Variants in WWP1 observed in about 807,000 individuals in gnomAD.
WWP1 encodes the protein NEDD4-like E3 ubiquitin-protein ligase WWP1.
WWP1 carries 49 observed loss-of-function variants against 130.6 expected under a neutral mutation model. The ratio of observed to expected loss-of-function variants is 0.38; its 90% CI spans 0.30 to 0.48. WWP1 has a LOEUF of 0.48. Ranked by LOEUF, WWP1 falls within the 20% of genes least tolerant of loss-of-function variation. WWP1 has a pLI of 0.99. For synonymous variants in WWP1, 332 were observed against 367.8 expected (o/e 0.90, Z 1.11); for missense variants, 809 against 1,100.6 (o/e 0.74, Z 3.75).
intron 1 of WWP1, among the ~76,000 whole-genome samples, chr8:86,360,161 C>A (rs10093729): frequency 0.73 from 111,162 of 151,710 alleles, 41,611 homozygotes; most frequent in African/African-American, 0.83. Flanking sequence ...AACAAAAAAC[C>A]AAACCAAACC....
Position 86,461,248 on chromosome 8 carries a change from G to C in WWP1, c.2524G>C (p.Val842Leu). 6.2e-7 allele frequency: 1 copy of C among 1,614,098 alleles called. No homozygotes were observed. Among genetic ancestry groups the C allele is most frequent in the Non-Finnish European group, 8.5e-7 (1 of 1,179,976 alleles). The change falls in exon 23 of 25, where the codon GTA becomes CTA. Residue 842 changes from valine to leucine, a missense_variant. Val to Leu is a conservative substitution (Grantham distance 32, BLOSUM62 1). Coordinates refer to ENST00000517970, the MANE Select transcript of WWP1 (RefSeq NM_007013.4). ...GTTTGTGAAAGAGACAGACAATGAA[G>C]TAAGAATGCGACTATTGCAGTTCGT... Reference protein sequence around the residue: ...WQFVKETDNEVRMRLLQFVTG... With the variant: ...WQFVKETDNELRMRLLQFVTG...
At chr8:86,412,342 A>T (rs1393787837) in intron 9 of WWP1, among the ~76,000 whole-genome samples, 2 of 152,210 alleles carry the variant, frequency 1.3e-5, no homozygotes, top group African/African-American at 2.4e-5. Context: ...GCTGGTTAGT[A>T]ATTCTTAATC....
At position 86,431,726 on chromosome 8, in the gene WWP1, C is replaced by T; in HGVS notation, c.1584C>T (p.Arg528=). The T allele has an allele frequency of 6.2e-7, 1 of 1,613,790 alleles. No individual in the cohort carries two copies. The highest frequency in any genetic ancestry group is 1.1e-5 in the South Asian group (1 of 91,012). Residue 528 remains arginine, a synonymous_variant, in exon 14 of 25, where the codon CGC becomes CGT. Coordinates refer to ENST00000517970, the MANE Select transcript of WWP1 (RefSeq NM_007013.4). Reference sequence around the variant, plus strand: ...GAACAACAACATTCAAAGATCCTCGCAATGGGAAGTCATCTGTGTGAGTGA... The same window carrying T: ...GAACAACAACATTCAAAGATCCTCGTAATGGGAAGTCATCTGTGTGAGTGA... ...NTRTTTFKDP[R]NGKSSVTKGG... is the part of the protein sequence containing the mutation.
chr8:86,447,165 T>G (rs1810927582), intron 18 of WWP1, among the ~76,000 whole-genome samples: 1 of 152,254 alleles, frequency 6.6e-6, no homozygotes, highest in Admixed American at 6.5e-5. Context: ...TCTAGCATGT[T>G]CCATTGCCTA....
chr8:86,387,605 T>TA (rs1344906056), intron 5 of WWP1, among the ~76,000 whole-genome samples: 1 of 152,056 alleles, frequency 6.6e-6, no homozygotes, highest in Non-Finnish European at 1.5e-5. Context: ...CTTTGCCTCC[T>TA]AGGTTCAAGC....
intron 11 of WWP1, among the ~76,000 whole-genome samples, chr8:86,430,413 T>C (rs1272593233): frequency 6.6e-6 from 1 of 151,974 alleles, no homozygotes; most frequent in East Asian, 1.9e-4. Context: ...TCCAAGTAGC[T>C]GGGACTTTAG....
At chr8:86,391,936 C>A (rs184496426) in intron 5 of WWP1, among the ~76,000 whole-genome samples, 1 of 152,238 alleles carries the variant, frequency 6.6e-6, no homozygotes, top group Admixed American at 6.5e-5. Context: ...GAAGGATTTA[C>A]CATTGTAAGC....
intron 16 of WWP1, among the ~76,000 whole-genome samples, chr8:86,437,577 C>T (rs1810360095): frequency 6.6e-6 from 1 of 152,120 alleles, no homozygotes. Flanking sequence ...ATAGAACTAT[C>T]CATTTAATAC....
chr8:86,367,643 C>CCATA (rs1824045524), intron 1 of WWP1, among the ~76,000 whole-genome samples: 1 of 152,156 alleles, frequency 6.6e-6, no homozygotes, highest in African/African-American at 2.4e-5. Flanking sequence ...ATATTACTGA[C>CCATA]CATACCCTCT....
At chr8:86,434,876 C>T (rs1245793878) in intron 14 of WWP1, among the ~76,000 whole-genome samples, 2 of 152,178 alleles carry the variant, frequency 1.3e-5, no homozygotes, top group African/African-American at 4.8e-5. Context: ...GCCTGTCAGG[C>T]CCTCAATCAA....
In WWP1 at chr8:86,415,602, G is replaced by A. The variant is rs1808844399; in HGVS notation, c.1061+3728G>A. Among the ~76,000 whole-genome samples the A allele has an allele frequency of 2.0e-5, 3 of 152,238 alleles. No homozygotes were observed. The South Asian group carries it at 6.2e-4, about 32-fold the overall frequency. On this transcript the variant is annotated intron_variant, in intron 9 of 24. Transcript: ENST00000517970. ...CATTATGATGAATTTTGGCAAATGC[G>A]TATGTCTGTGTAACTCAAATCTTTA...
At chr8:86,394,277 G>T (rs1807523025) in intron 5 of WWP1, among the ~76,000 whole-genome samples, 1 of 152,198 alleles carries the variant, frequency 6.6e-6, no homozygotes, top group African/African-American at 2.4e-5. Context: ...GACTCAAATT[G>T]TTCTGTCTCA....
At position 86,466,961 on chromosome 8, in the gene WWP1, G is replaced by A. The variant is rs1392998714; in HGVS notation, c.*68G>A. The A allele has an allele frequency of 7.0e-6, 8 of 1,148,680 alleles. No homozygotes were observed. In the East Asian group the frequency reaches 1.7e-4, roughly 24 times the overall value. 71.2% of individuals were successfully genotyped at this position (1,148,680 alleles called of 1,614,324 possible). On this transcript the variant is annotated 3_prime_UTR_variant, in exon 25 of 25. Coordinates refer to ENST00000517970, the MANE Select transcript of WWP1 (RefSeq NM_007013.4). ...CCAGCCAAGAAAAATTGCACAGATAGTGTATATAAGCTGTTCATTCTGTAC... is the reference window on the plus strand; with the variant it reads ...CCAGCCAAGAAAAATTGCACAGATAATGTATATAAGCTGTTCATTCTGTAC...
chr8:86,448,574 C>G, intron 20 of WWP1, 61 bp downstream of exon 20: 1 of 1,475,548 alleles, frequency 6.8e-7, no homozygotes, highest in Non-Finnish European at 9.1e-7. Context: ...AATCCTCTCT[C>G]TGTACCCTTA....
At chr8:86,371,483 A>G (rs1824295765) in intron 2 of WWP1, among the ~76,000 whole-genome samples, 1 of 152,174 alleles carries the variant, frequency 6.6e-6, no homozygotes, top group Admixed American at 6.5e-5. Context: ...CCACTGTTGC[A>G]TGTTTTTTGC....
At chr8:86,438,864 A>C (rs1269630210) in intron 17 of WWP1, among the ~76,000 whole-genome samples, 191 bp downstream of exon 17, 2 of 152,108 alleles carry the variant, frequency 1.3e-5, no homozygotes, top group Non-Finnish European at 2.9e-5. Context: ...ACATCTTTAC[A>C]TATATGTAAA....
At chr8:86,453,047 T>C (rs887343910) in intron 21 of WWP1, among the ~76,000 whole-genome samples, 1 of 152,210 alleles carries the variant, frequency 6.6e-6, no homozygotes, top group Non-Finnish European at 1.5e-5. Flanking sequence ...GTTAGAAGTA[T>C]ATCAGGCATG....
At chr8:86,407,080 A>G (rs1808319772) in intron 8 of WWP1, among the ~76,000 whole-genome samples, 1 of 152,192 alleles carries the variant, frequency 6.6e-6, no homozygotes, top group African/African-American at 2.4e-5. Flanking sequence ...GGCTTGGGAG[A>G]TGTTCATTCA....
Position 86,452,763 on chromosome 8 carries a change from C to G in WWP1, c.2394+84C>G. The G allele has an allele frequency of 3.3e-6, 5 of 1,518,094 alleles. No individual in the cohort carries two copies. In the South Asian group the frequency reaches 6.1e-5, roughly 18 times the overall value. The allele number at this position is 1,518,094 out of a possible 1,614,324, so 94.0% of individuals were successfully genotyped here. Reference sequence around the variant, plus strand: ...GTGCTTTTACAGAACAGTGTTCACACATTTTAAAATCCTGTAGCACAATCT... The same window carrying G: ...GTGCTTTTACAGAACAGTGTTCACAGATTTTAAAATCCTGTAGCACAATCT... On this transcript the variant is annotated intron_variant, in intron 21 of 24. Transcript: ENST00000517970.
Sources: allele counts gnomAD v4.1 joint callset (sites outside exome capture counted in the v4.1 genomes callset), GRCh38; gene constraint gnomAD v4.1.1; transcripts MANE v1.5; gene names NCBI Gene and HGNC (gene_info 2026-07-23, HGNC 2026-07-21).